Variants in RAB6A observed in about 807,000 individuals in gnomAD.
RAB6A encodes ras-related protein Rab-6A.
A neutral mutation model predicts 32.3 loss-of-function variants in RAB6A; 8 were observed. The ratio of observed to expected loss-of-function variants is 0.25; its 90% CI spans 0.15 to 0.45. The LOEUF (loss-of-function observed/expected upper bound fraction) is 0.45, where lower values mean the gene tolerates loss of function less well. Among genes scored for constraint, RAB6A ranks in the 20% least tolerant of loss-of-function variants. RAB6A has a pLI of 1.00. For synonymous variants in RAB6A, 73 were observed against 82.1 expected (o/e 0.89, Z 0.60); for missense variants, 104 against 249.4 (o/e 0.42, Z 3.93).
chr11:73,677,717 T>C lies in RAB6A; in HGVS notation c.*181A>G. On this transcript the variant is annotated 3_prime_UTR_variant, in exon 8 of 8. Coordinates refer to ENST00000336083, the MANE Select transcript of RAB6A (RefSeq NM_198896.2). Reference sequence around the variant, plus strand: ...TGTAAAATATAAATAATGAAGACACTGACTTTTGTTGTGCTTGTGAAGCTA... The same window carrying C: ...TGTAAAATATAAATAATGAAGACACCGACTTTTGTTGTGCTTGTGAAGCTA... 2.1e-6 allele frequency: 3 copies of C among 1,409,908 alleles called. No homozygotes were observed. The highest frequency in any genetic ancestry group is 2.8e-6 in the Non-Finnish European group (3 of 1,055,270). The allele number at this position is 1,409,908 out of a possible 1,614,324, so 87.3% of individuals were successfully genotyped here.
intron 2 of RAB6A, among the ~76,000 whole-genome samples, chr11:73,723,274 C>T (rs1946169243): frequency 6.8e-6 from 1 of 147,936 alleles, no homozygotes; most frequent in African/African-American, 2.6e-5. Context: ...CTATTCCTTC[C>T]AAATACTGGG....
intron 1 of RAB6A, among the ~76,000 whole-genome samples, chr11:73,749,551 A>T (rs1030608610): frequency 6.6e-6 from 1 of 152,196 alleles, no homozygotes; most frequent in African/African-American, 2.4e-5. Flanking sequence ...ACAATTTAAG[A>T]AACCAAAATA....
At chr11:73,752,600 A>C (rs931383014) in intron 1 of RAB6A, among the ~76,000 whole-genome samples, 2 of 152,144 alleles carry the variant, frequency 1.3e-5, no homozygotes, top group Non-Finnish European at 2.9e-5. Flanking sequence ...GGCAGATCGC[A>C]TGAGCTCAGG....
At chr11:73,726,498 C>T (rs1411991960) in intron 2 of RAB6A, among the ~76,000 whole-genome samples, 2 of 140,492 alleles carry the variant, frequency 1.4e-5, no homozygotes, top group Non-Finnish European at 3.0e-5. Context: ...AGGAGAATGG[C>T]GTGAACCTGG....
intron 6 of RAB6A, among the ~76,000 whole-genome samples, chr11:73,696,532 G>A (rs1227682034): frequency 6.6e-6 from 1 of 151,928 alleles, no homozygotes; most frequent in African/African-American, 2.4e-5. Context: ...CTTAATTTTG[G>A]TAGTATTTCT....
chr11:73,678,395 A>T (rs1283673390), intron 7 of RAB6A, among the ~76,000 whole-genome samples: 1 of 152,120 alleles, frequency 6.6e-6, no homozygotes, highest in Non-Finnish European at 1.5e-5. Context: ...GGCAGGCCGA[A>T]CACCTGAGGT....
chr11:73,739,184 G>A (rs1313405290), intron 1 of RAB6A, among the ~76,000 whole-genome samples: 1 of 144,656 alleles, frequency 6.9e-6, no homozygotes, highest in African/African-American at 2.6e-5. Context: ...AGTGGAGGCT[G>A]CAGGGAGCCA....
chr11:73,696,636 T>C (rs1945660555), intron 6 of RAB6A, among the ~76,000 whole-genome samples: 1 of 152,142 alleles, frequency 6.6e-6, no homozygotes, highest in Admixed American at 6.6e-5. Flanking sequence ...CTTTCCTTTC[T>C]TGAGACAAGG....
intron 1 of RAB6A, among the ~76,000 whole-genome samples, chr11:73,758,817 T>C (rs1035699831): frequency 3.3e-5 from 5 of 152,176 alleles, no homozygotes; most frequent in African/African-American, 1.2e-4. Context: ...CAATAAACTA[T>C]ATTTTATGTT....
Position 73,731,808 on chromosome 11 carries a change from C to A in RAB6A, c.71-985G>T, listed in dbSNP as rs185560783. Reference sequence around the variant, plus strand: ...CCAGGCTGGAGTACAGCGGGAAGATCTCGGCTCACTGCAACCTCCGCCTCC... The same window carrying A: ...CCAGGCTGGAGTACAGCGGGAAGATATCGGCTCACTGCAACCTCCGCCTCC... On this transcript the variant is annotated intron_variant, in intron 1 of 7. Transcript: ENST00000336083. Among the ~76,000 whole-genome samples, 260 of 147,606 alleles carry A rather than the reference C, an allele frequency of 1.8e-3. 1 individual carries two copies. Among genetic ancestry groups the A allele is most frequent in the Non-Finnish European group, 3.2e-3 (216 of 67,210 alleles).
chr11:73,750,235 A>G (rs1946653108), intron 1 of RAB6A, among the ~76,000 whole-genome samples: 1 of 152,166 alleles, frequency 6.6e-6, no homozygotes, highest in African/African-American at 2.4e-5. Flanking sequence ...TTTATTTAGT[A>G]CTTATTAATT....
intron 5 of RAB6A, among the ~76,000 whole-genome samples, chr11:73,712,331 T>C (rs1039551530): frequency 2.6e-5 from 4 of 151,968 alleles, no homozygotes; most frequent in African/African-American, 9.7e-5. Context: ...ATTTTCCATA[T>C]GAAACTGGGT....
intron 1 of RAB6A, among the ~76,000 whole-genome samples, chr11:73,755,538 C>G (rs760491275): frequency 1.2e-4 from 18 of 152,174 alleles, no homozygotes; most frequent in Admixed American, 5.2e-4. Context: ...GGTGATCCAC[C>G]CACTTCGGCC....
At position 73,734,270 on chromosome 11, in the gene RAB6A, C is replaced by T. The variant is rs113636751; in HGVS notation, c.71-3447G>A. 3.8e-3 allele frequency among the ~76,000 whole-genome samples: 580 copies of T among 152,198 alleles called. 4 individuals are homozygous for T. The highest frequency in any genetic ancestry group is 0.013 in the African/African-American group (549 of 41,526). ...CCTCCTGGGTAGCTGAGATTACAGG[C>T]GCCCGCCACCACGCCCAGCTAGTTT... On this transcript the variant is annotated intron_variant, in intron 1 of 7. Transcript: ENST00000336083.
chr11:73,726,417 C>T (rs1325507557), intron 2 of RAB6A, among the ~76,000 whole-genome samples: 1 of 148,932 alleles, frequency 6.7e-6, no homozygotes, highest in Non-Finnish European at 1.5e-5. Context: ...CCTGTCTCTA[C>T]TAAAAATACA....
At chr11:73,754,739 CA>C (rs1202023360) in intron 1 of RAB6A, among the ~76,000 whole-genome samples, 1 of 152,026 alleles carries the variant, frequency 6.6e-6, no homozygotes, top group Non-Finnish European at 1.5e-5. Context: ...GCCAATATAG[CA>C]AAACCCTGTC....
At chr11:73,757,788 G>A (rs1473435245) in intron 1 of RAB6A, among the ~76,000 whole-genome samples, 1 of 152,146 alleles carries the variant, frequency 6.6e-6, no homozygotes, top group African/African-American at 2.4e-5. Flanking sequence ...GCGTAACCAT[G>A]TCAAAGAGTG....
intron 6 of RAB6A, among the ~76,000 whole-genome samples, chr11:73,693,031 A>T (rs910900515): frequency 2.6e-5 from 4 of 152,018 alleles, no homozygotes; most frequent in African/African-American, 9.7e-5. Flanking sequence ...AATTAAATAT[A>T]AAAAAAGGAT....
intron 3 of RAB6A, 69 bp from the exon 4 acceptor site, chr11:73,718,787 G>T: frequency 6.2e-7 from 1 of 1,613,982 alleles, no homozygotes; most frequent in East Asian, 2.2e-5. Flanking sequence ...ATACCTACTT[G>T]TGATATCGTA....
Sources: allele counts gnomAD v4.1 joint callset (sites outside exome capture counted in the v4.1 genomes callset), GRCh38; gene constraint gnomAD v4.1.1; transcripts MANE v1.5; gene names NCBI Gene and HGNC (gene_info 2026-07-23, HGNC 2026-07-21).